Variants in NOS1AP observed in about 807,000 individuals in gnomAD.
The protein encoded by NOS1AP is carboxyl-terminal PDZ ligand of neuronal nitric oxide synthase protein.
A neutral mutation model predicts 56.2 loss-of-function variants in NOS1AP; 21 were observed. The observed-to-expected ratio is 0.37, with a 90% CI of 0.26 to 0.54. The LOEUF is 0.54. Ranked by LOEUF, NOS1AP falls within the 20% of genes least tolerant of loss-of-function variation. NOS1AP has a pLI of 0.84. For missense variants in NOS1AP, 522 were observed against 657.8 expected, an observed-to-expected ratio of 0.79 and a Z score of 2.26; for synonymous variants, 270 against 274.6, an observed-to-expected ratio of 0.98 and a Z score of 0.17.
chr1:162,119,423 A>T (rs972788880), intron 1 of NOS1AP, among the ~76,000 whole-genome samples: 1 of 152,190 alleles, frequency 6.6e-6, no homozygotes, highest in Non-Finnish European at 1.5e-5. Context: ...AGAACTGTAT[A>T]TGGTGTCCTT....
intron 2 of NOS1AP, among the ~76,000 whole-genome samples, chr1:162,282,915 T>C (rs1654977416): frequency 6.6e-6 from 1 of 152,152 alleles, no homozygotes; most frequent in Non-Finnish European, 1.5e-5. Context: ...CTGTAAGCAT[T>C]GCAGAGACAG....
chr1:162,153,835 C>T (rs1439475912), intron 1 of NOS1AP, among the ~76,000 whole-genome samples: 2 of 152,142 alleles, frequency 1.3e-5, no homozygotes, highest in African/African-American at 2.4e-5. Flanking sequence ...ATTAAGCATT[C>T]ATTCATCTTC....
chr1:162,139,142 G>A (rs1649125230), intron 1 of NOS1AP, among the ~76,000 whole-genome samples: 2 of 152,214 alleles, frequency 1.3e-5, no homozygotes, highest in South Asian at 4.2e-4. Flanking sequence ...CTACCTCTTA[G>A]CCCATCCCGG....
At chr1:162,252,488 C>T (rs1653896968) in intron 2 of NOS1AP, among the ~76,000 whole-genome samples, 1 of 152,176 alleles carries the variant, frequency 6.6e-6, no homozygotes, top group African/African-American at 2.4e-5. Flanking sequence ...TAGTATGAAG[C>T]ATGCAGTAGA....
intron 4 of NOS1AP, among the ~76,000 whole-genome samples, chr1:162,321,728 A>AT (rs200332177): frequency 0.019 from 2,612 of 134,800 alleles, 24 homozygotes; most frequent in South Asian, 0.04. Context: ...TTAAAAAAAA[A>AT]AAAATATATA....
At chr1:162,107,889 C>T (rs1170288363) in intron 1 of NOS1AP, among the ~76,000 whole-genome samples, 2 of 152,028 alleles carry the variant, frequency 1.3e-5, no homozygotes, top group African/African-American at 4.8e-5. Flanking sequence ...GAGATTCTTA[C>T]GTGTATTGTG....
At chr1:162,140,681 C>G (rs116307878) in intron 1 of NOS1AP, among the ~76,000 whole-genome samples, 3,075 of 152,236 alleles carry the variant, frequency 0.02, 104 homozygotes, top group African/African-American at 0.07. Context: ...GGATTGCTGG[C>G]TCAAATGGTA....
At chr1:162,083,767 A>C (rs564624298) in intron 1 of NOS1AP, among the ~76,000 whole-genome samples, 9 of 152,308 alleles carry the variant, frequency 5.9e-5, no homozygotes, top group Admixed American at 2.0e-4. Flanking sequence ...CAGTCTTTGG[A>C]GTAATCAGAA....
intron 1 of NOS1AP, among the ~76,000 whole-genome samples, chr1:162,079,361 TC>T (rs1322781321): frequency 6.6e-6 from 1 of 152,256 alleles, no homozygotes; most frequent in African/African-American, 2.4e-5. Flanking sequence ...AGAAACATTT[TC>T]AACTTGTTTT....
chr1:162,080,793 T>C (rs1691867448), intron 1 of NOS1AP, among the ~76,000 whole-genome samples: 1 of 152,210 alleles, frequency 6.6e-6, no homozygotes, highest in Non-Finnish European at 1.5e-5. Flanking sequence ...CATAGAAAGA[T>C]AACATTATAA....
At chr1:162,206,549 T>G (rs72715978) in intron 2 of NOS1AP, among the ~76,000 whole-genome samples, 1 of 152,366 alleles carries the variant, frequency 6.6e-6, no homozygotes, top group Non-Finnish European at 1.5e-5. Context: ...AGCCTTGTGC[T>G]GAAATAGTTT....
At chr1:162,178,951 TA>T (rs771062887) in intron 2 of NOS1AP, among the ~76,000 whole-genome samples, 2 of 152,206 alleles carry the variant, frequency 1.3e-5, no homozygotes, top group Non-Finnish European at 2.9e-5. Flanking sequence ...ACCAGGATTT[TA>T]TCATTCTTGC....
intron 1 of NOS1AP, among the ~76,000 whole-genome samples, chr1:162,120,827 C>A (rs1648183644): frequency 6.6e-6 from 1 of 152,134 alleles, no homozygotes. Flanking sequence ...TCCCTCATAC[C>A]TTTTAACATA....
At chr1:162,330,208 T>C (rs1284244505) in intron 4 of NOS1AP, among the ~76,000 whole-genome samples, 2 of 152,198 alleles carry the variant, frequency 1.3e-5, no homozygotes, top group African/African-American at 2.4e-5. Flanking sequence ...CTGACTTCCT[T>C]GGGGAAAATG....
chr1:162,160,387 A>T (rs1164434504), intron 2 of NOS1AP, among the ~76,000 whole-genome samples: 2 of 152,180 alleles, frequency 1.3e-5, no homozygotes, highest in Non-Finnish European at 1.5e-5. Context: ...AGAAAAACAA[A>T]AACAGAAAAA....
At chr1:162,230,331 A>G (rs901467994) in intron 2 of NOS1AP, among the ~76,000 whole-genome samples, 4 of 152,202 alleles carry the variant, frequency 2.6e-5, no homozygotes, top group African/African-American at 9.6e-5. Flanking sequence ...TAGAACCAGG[A>G]AGAGAAGCTT....
chr1:162,219,768 C>A (rs1047082872), intron 2 of NOS1AP, among the ~76,000 whole-genome samples: 1 of 152,224 alleles, frequency 6.6e-6, no homozygotes, highest in African/African-American at 2.4e-5. Flanking sequence ...CTGCAATTCT[C>A]TTGACTTAGT....
chr1:162,326,222 C>A (rs893305843), intron 4 of NOS1AP, among the ~76,000 whole-genome samples: 1 of 152,176 alleles, frequency 6.6e-6, no homozygotes, highest in Non-Finnish European at 1.5e-5. Flanking sequence ...GTGGCAGGTC[C>A]TGGGCTTGCT....
At chr1:162,251,857 GTTT>G (rs771192069) in intron 2 of NOS1AP, among the ~76,000 whole-genome samples, 3 of 100,446 alleles carry the variant, frequency 3.0e-5, no homozygotes, top group East Asian at 3.2e-4. Flanking sequence ...CTAGCTAGTT[GTTT>G]TTTTTTTTGT....
Sources: gnomAD v4.1 joint callset for allele counts (sites outside exome capture counted in the v4.1 genomes callset) on GRCh38, gnomAD v4.1.1 for gene constraint, MANE v1.5 for transcripts, NCBI Gene and HGNC (gene_info 2026-07-23, HGNC 2026-07-21) for gene names.